IL1RAPL2: variants seen among roughly 807,000 people sequenced by gnomAD.
IL1RAPL2 encodes the protein X-linked interleukin-1 receptor accessory protein-like 2.
Under a neutral mutation model 44.1 loss-of-function variants are expected in IL1RAPL2, and 3 were observed. The observed-to-expected ratio is 0.07, with a 90% CI of 0.03 to 0.18. The LOEUF (loss-of-function observed/expected upper bound fraction) is 0.18, where lower values mean the gene tolerates loss of function less well. Ranked by LOEUF, IL1RAPL2 falls within the 10% of genes least tolerant of loss-of-function variation. The pLI is 1.00. For missense variants in IL1RAPL2, 391 were observed against 496.4 expected (o/e 0.79, Z 2.02); for synonymous variants, 181 against 178.8 (o/e 1.01, Z -0.10).
At chrX:105,452,284 T>A (rs1314441679) in intron 5 of IL1RAPL2, among the ~76,000 whole-genome samples, 1 of 111,815 alleles carries the variant, frequency 8.9e-6, no homozygotes, top group Non-Finnish European at 1.9e-5. Context: ...AGACCGTTTA[T>A]CTTTTTTAAC....
chrX:105,533,529 TACC>T (rs1268241816), intron 6 of IL1RAPL2, among the ~76,000 whole-genome samples: 1 of 112,086 alleles, frequency 8.9e-6, no homozygotes, highest in Non-Finnish European at 1.9e-5. Flanking sequence ...CTTGTGTAAC[TACC>T]ACCACAATCA....
chrX:104,854,171 C>A (rs1198534862), intron 2 of IL1RAPL2, among the ~76,000 whole-genome samples: 1 of 111,666 alleles, frequency 9.0e-6, no homozygotes, highest in Admixed American at 9.5e-5. Flanking sequence ...TTATTTAAAT[C>A]TTTCATGTTA....
At chrX:105,466,245 T>C (rs1162524122) in intron 5 of IL1RAPL2, among the ~76,000 whole-genome samples, 1 of 111,497 alleles carries the variant, frequency 9.0e-6, no homozygotes. Context: ...TCAACCTTTT[T>C]TTTTTTTGGC....
intron 2 of IL1RAPL2, among the ~76,000 whole-genome samples, chrX:104,835,861 T>C (rs1486566362): frequency 8.9e-6 from 1 of 112,189 alleles, no homozygotes; most frequent in Non-Finnish European, 1.9e-5. Context: ...GACTTTGATC[T>C]CGTCTTCTAC....
chrX:105,451,162 G>A (rs1477857639), intron 5 of IL1RAPL2, among the ~76,000 whole-genome samples: 7 of 111,205 alleles, frequency 6.3e-5, no homozygotes, highest in Non-Finnish European at 1.1e-4. Context: ...AACTTCTAGA[G>A]CACTTCTAGT....
At chrX:105,151,781 G>GTATA (rs111851738) in intron 2 of IL1RAPL2, among the ~76,000 whole-genome samples, 8,777 of 106,918 alleles carry the variant, frequency 0.082, 947 homozygotes, top group African/African-American at 0.28. Flanking sequence ...AAACTACAGT[G>GTATA]TATATATATA....
At chrX:104,914,689 T>C (rs1416115269) in intron 2 of IL1RAPL2, among the ~76,000 whole-genome samples, 2 of 110,751 alleles carry the variant, frequency 1.8e-5, no homozygotes, top group Non-Finnish European at 3.8e-5. Context: ...TAGCATTAGG[T>C]ATATCTCCTA....
chrX:105,733,949 G>C (rs1412088912), intron 7 of IL1RAPL2, among the ~76,000 whole-genome samples: 1 of 111,480 alleles, frequency 9.0e-6, no homozygotes, highest in Non-Finnish European at 1.9e-5. Flanking sequence ...AGTAACTGAA[G>C]TAAATAGGCT....
At position 104,855,681 on chromosome X, in the gene IL1RAPL2, GT is replaced by G. The variant is rs1556002120; in HGVS notation, c.82+196703del. The stretch of plus-strand genomic sequence containing the variant: ...TTAACTGTGCTAAGGATCTGGATCC[GT>G]TTTTTTTTTTTTTTTTACTGTATCT... On this transcript the variant is annotated intron_variant, in intron 2 of 10. Transcript: ENST00000372582. Among the ~76,000 whole-genome samples the G allele has an allele frequency of 2.2e-3, 117 of 53,780 alleles. 8 individuals are homozygous for G. Among genetic ancestry groups the G allele is most frequent in the East Asian group, 7.0e-3 (12 of 1,703 alleles). The allele number at this position is 53,780 out of a possible 115,157, so 46.7% of individuals were successfully genotyped here.
At chrX:105,169,812 G>A (rs1412158094) in intron 2 of IL1RAPL2, among the ~76,000 whole-genome samples, 1 of 109,785 alleles carries the variant, frequency 9.1e-6, no homozygotes, top group Admixed American at 9.8e-5. Flanking sequence ...TTACAGGTGT[G>A]AGCCATCACT....
intron 2 of IL1RAPL2, among the ~76,000 whole-genome samples, chrX:104,670,623 G>A (rs914163296): frequency 1.8e-5 from 2 of 110,317 alleles, no homozygotes; most frequent in South Asian, 3.9e-4. Flanking sequence ...TTTTAGATTC[G>A]GGGGTATACA....
At chrX:105,476,513 G>A (rs2081650568) in intron 5 of IL1RAPL2, among the ~76,000 whole-genome samples, 2 of 111,669 alleles carry the variant, frequency 1.8e-5, no homozygotes, top group African/African-American at 6.5e-5. Flanking sequence ...GTTTTTTGTG[G>A]TGAGCCTATC....
At chrX:105,738,714 G>C (rs1374728531) in intron 7 of IL1RAPL2, among the ~76,000 whole-genome samples, 1 of 110,958 alleles carries the variant, frequency 9.0e-6, no homozygotes, top group African/African-American at 3.3e-5. Context: ...GAAGGTAGCT[G>C]GTCGTTGTTG....
At chrX:104,780,160 T>A (rs1932763013) in intron 2 of IL1RAPL2, among the ~76,000 whole-genome samples, 1 of 111,704 alleles carries the variant, frequency 9.0e-6, no homozygotes, top group South Asian at 3.7e-4. Flanking sequence ...ATAGGTGGAT[T>A]AAAAAAACAC....
chrX:105,412,615 TAGAA>T (rs1338159700), intron 5 of IL1RAPL2, among the ~76,000 whole-genome samples: 1 of 110,901 alleles, frequency 9.0e-6, no homozygotes, highest in African/African-American at 3.3e-5. Flanking sequence ...AAGATACAAT[TAGAA>T]GGAAGAAGTT....
chrX:105,342,767 A>T (rs922281171), intron 5 of IL1RAPL2, among the ~76,000 whole-genome samples: 1 of 112,228 alleles, frequency 8.9e-6, no homozygotes, highest in Non-Finnish European at 1.9e-5. Context: ...TATTTATTTA[A>T]TCTCAAGACA....
intron 2 of IL1RAPL2, among the ~76,000 whole-genome samples, chrX:104,780,647 AAATAAT>A (rs1490864320): frequency 1.8e-5 from 2 of 111,930 alleles, no homozygotes; most frequent in Non-Finnish European, 3.8e-5. Flanking sequence ...CAAAAATAAA[AAATAAT>A]AATATAGCCA....
intron 5 of IL1RAPL2, among the ~76,000 whole-genome samples, chrX:105,403,450 G>A (rs1200184834): frequency 9.0e-6 from 1 of 111,248 alleles, no homozygotes; most frequent in East Asian, 2.8e-4. Context: ...TTCTTGTTGT[G>A]TTAACATCTT....
intron 2 of IL1RAPL2, among the ~76,000 whole-genome samples, chrX:105,147,142 A>ATGGGGGT (rs923909771): frequency 9.0e-6 from 1 of 111,273 alleles, no homozygotes; most frequent in Non-Finnish European, 1.9e-5. Context: ...TTTCCATTTG[A>ATGGGGGT]TGGGGGTCTG....
Sources: gnomAD v4.1 joint callset for allele counts (sites outside exome capture counted in the v4.1 genomes callset) on GRCh38, gnomAD v4.1.1 for gene constraint, MANE v1.5 for transcripts, NCBI Gene and HGNC (gene_info 2026-07-23, HGNC 2026-07-21) for gene names.